ZNF365: variants seen among roughly 807,000 people sequenced by gnomAD.
ZNF365 encodes protein ZNF365.
Under a neutral mutation model 35.0 loss-of-function variants are expected in ZNF365, and 22 were observed. That is an observed-to-expected ratio of 0.63 (90% CI 0.45 to 0.90). The LOEUF is 0.90. ZNF365 is among the 40% of genes least tolerant of loss of function. The pLI is 0.00. For synonymous variants in ZNF365, 188 were observed against 196.2 expected, an observed-to-expected ratio of 0.96 and a Z score of 0.35; for missense variants, 448 against 500.3, an observed-to-expected ratio of 0.90 and a Z score of 1.00.
rs148899856 is a variant in ZNF365 at position 62,465,330 on chromosome 10, G to A, written c.981+5533G>A. 7.7e-3 allele frequency among the ~76,000 whole-genome samples: 1,170 copies of A among 152,318 alleles called. 15 individuals are homozygous for A. Among genetic ancestry groups the A allele is most frequent in the African/African-American group, 0.027 (1,119 of 41,558 alleles). ...AGGCCAGGGTACTGAGGGTGGCTTGGTGCAGGCCTGCAGGTGCCCTTTGAT... is the reference window on the plus strand; with the variant it reads ...AGGCCAGGGTACTGAGGGTGGCTTGATGCAGGCCTGCAGGTGCCCTTTGAT... On this transcript the variant is annotated intron_variant, in intron 4 of 4. Transcript: ENST00000395255.
intron 4 of ZNF365, among the ~76,000 whole-genome samples, chr10:62,476,537 A>G (rs1841134550): frequency 6.6e-6 from 1 of 152,254 alleles, no homozygotes; most frequent in African/African-American, 2.4e-5. Flanking sequence ...AACTAAGGTC[A>G]TATTTAAGGT....
intron 3 of ZNF365, among the ~76,000 whole-genome samples, chr10:62,395,108 T>C (rs1433547416): frequency 6.6e-6 from 1 of 152,170 alleles, no homozygotes; most frequent in Admixed American, 6.5e-5. Flanking sequence ...AAGCGTGGAT[T>C]TCTGGGCTCT....
At chr10:62,422,025 G>A (rs1840176969) in intron 3 of ZNF365, among the ~76,000 whole-genome samples, 1 of 152,162 alleles carries the variant, frequency 6.6e-6, no homozygotes, top group Non-Finnish European at 1.5e-5. Context: ...TCAGAGTTAT[G>A]TTAGTATTCT....
At chr10:62,460,398 G>A (rs1367276928) in intron 4 of ZNF365, among the ~76,000 whole-genome samples, 1 of 152,162 alleles carries the variant, frequency 6.6e-6, no homozygotes, top group Non-Finnish European at 1.5e-5. Flanking sequence ...CTGTGATAAA[G>A]TTTAGTTTAT....
At chr10:62,466,156 C>A (rs919966677) in intron 4 of ZNF365, among the ~76,000 whole-genome samples, 1 of 152,212 alleles carries the variant, frequency 6.6e-6, no homozygotes, top group Admixed American at 6.5e-5. Flanking sequence ...AAGCCCAGAC[C>A]TTGGGGCTTC....
chr10:62,375,810 T>A (rs1447786778), intron 1 of ZNF365: 1 of 180,208 alleles, frequency 5.5e-6, no homozygotes, highest in Non-Finnish European at 1.2e-5. Flanking sequence ...CTTCCTTGCT[T>A]CAGTGTTCTC....
At chr10:62,458,050 C>T (rs1840788801) in intron 3 of ZNF365, among the ~76,000 whole-genome samples, 1 of 152,194 alleles carries the variant, frequency 6.6e-6, no homozygotes, top group Admixed American at 6.5e-5. Flanking sequence ...TCTGAATCCC[C>T]TCTTGCTGCT....
Position 62,401,242 on chromosome 10 carries a change from A to G in ZNF365, c.*1453A>G, listed in dbSNP as rs1308702005. Reference sequence around the variant, plus strand: ...GTTTGTGGTGGGTGGTTTTTAAACTATATATGTTTGTTCATGTAAACTGAA... The same window carrying G: ...GTTTGTGGTGGGTGGTTTTTAAACTGTATATGTTTGTTCATGTAAACTGAA... On this transcript the variant is annotated 3_prime_UTR_variant, in exon 5 of 5. Coordinates refer to ENST00000395254, the MANE Select transcript of ZNF365 (RefSeq NM_014951.3). 2.0e-6 allele frequency: 2 copies of G among 985,198 alleles called. No homozygotes were observed. Among genetic ancestry groups the G allele is most frequent in the Non-Finnish European group, 2.4e-6 (2 of 829,762 alleles). 61.0% of individuals were successfully genotyped at this position (985,198 alleles called of 1,614,324 possible). A position where few individuals can be genotyped will look rare whatever the true frequency, so the allele number is the denominator to read the frequency against.
At position 62,401,611 on chromosome 10, in the gene ZNF365, G is replaced by A. The variant is rs753967672; in HGVS notation, c.*1822G>A. The stretch of plus-strand genomic sequence containing the variant: ...ATGTTATAATTATTATTTATTTGGA[G>A]AATTAACTTCCCCCTCTAAAGTTAT... On this transcript the variant is annotated 3_prime_UTR_variant, in exon 5 of 5. Coordinates refer to ENST00000395254, the MANE Select transcript of ZNF365 (RefSeq NM_014951.3). The A allele has an allele frequency of 3.2e-4, 310 of 983,832 alleles. No individual in the cohort carries two copies. In the Middle Eastern group the frequency reaches 3.7e-3, roughly 12 times the overall value. 60.9% of individuals were successfully genotyped at this position (983,832 alleles called of 1,614,324 possible).
rs148486131 is a variant in ZNF365 at position 62,474,811 on chromosome 10, G to C, written c.982-5065G>C. Among the ~76,000 whole-genome samples, 133 of 152,214 alleles carry C rather than the reference G, an allele frequency of 8.7e-4. 1 individual carries two copies. Among genetic ancestry groups the C allele is most frequent in the African/African-American group, 3.1e-3 (130 of 41,530 alleles). ...CATAACTAACCATCAAGGAGAATGG[G>C]GCCTTCTGGAGTTCACAGTGGAGTA... is the stretch of plus-strand genomic sequence containing the variant. On this transcript the variant is annotated intron_variant, in intron 4 of 4. Coordinates refer to the ZNF365 transcript ENST00000395255.
At chr10:62,467,944 C>T (rs1395568100) in intron 4 of ZNF365, among the ~76,000 whole-genome samples, 1 of 152,074 alleles carries the variant, frequency 6.6e-6, no homozygotes, top group Non-Finnish European at 1.5e-5. Flanking sequence ...AATATAAGCT[C>T]AGGAGCAGAA....
At chr10:62,470,482 A>T (rs1396145195) in intron 4 of ZNF365, among the ~76,000 whole-genome samples, 1 of 152,244 alleles carries the variant, frequency 6.6e-6, no homozygotes, top group African/African-American at 2.4e-5. Context: ...CATTGCATGC[A>T]TACACAGGAT....
chr10:62,431,839 TTTTGTTTG>T (rs955631725), intron 3 of ZNF365, among the ~76,000 whole-genome samples: 2 of 152,020 alleles, frequency 1.3e-5, no homozygotes, highest in African/African-American at 4.8e-5. Context: ...GCATTTGGGT[TTTTGTTTG>T]TTTGTTTGTT....
At chr10:62,430,664 A>G (rs1840321167) in intron 3 of ZNF365, among the ~76,000 whole-genome samples, 1 of 152,236 alleles carries the variant, frequency 6.6e-6, no homozygotes, top group African/African-American at 2.4e-5. Flanking sequence ...CAACTTTTGT[A>G]AACAATCATT....
At chr10:62,430,025 C>T (rs906538937) in intron 3 of ZNF365, among the ~76,000 whole-genome samples, 2 of 152,072 alleles carry the variant, frequency 1.3e-5, no homozygotes, top group African/African-American at 4.8e-5. Flanking sequence ...TTGTTAGTAA[C>T]ATTGTACTGG....
rs563506441 is a variant in ZNF365 at position 62,376,442 on chromosome 10, A to G, written c.249A>G (p.Gly83=). Residue 83 remains glycine, a synonymous_variant, in exon 2 of 5, where the codon GGA becomes GGG. Transcript: ENST00000395254. ...CTTCCTCAGAACTCCTGAAACCGGG[A>G]AAATTGCAGAGCAGTGGCAACGTGG... is the stretch of plus-strand genomic sequence containing the variant. ...LVTSSELLKP[G]KLQSSGNVVK... 38 of 1,614,192 alleles carry G rather than the reference A, an allele frequency of 2.4e-5. No individual in the cohort carries two copies. The South Asian group carries it at 3.6e-4, about 15-fold the overall frequency.
chr10:62,381,520 T>C (rs992993426), intron 2 of ZNF365, among the ~76,000 whole-genome samples: 2 of 152,150 alleles, frequency 1.3e-5, no homozygotes, highest in African/African-American at 2.4e-5. Context: ...TCAAGACTTA[T>C]GTAATACTGA....
intron 3 of ZNF365, among the ~76,000 whole-genome samples, chr10:62,432,226 T>C (rs1409449582): frequency 6.6e-6 from 1 of 152,180 alleles, no homozygotes; most frequent in African/African-American, 2.4e-5. Context: ...GGATTAGCAT[T>C]GCTGGGAGCT....
At chr10:62,450,840 A>G (rs1840671556) in intron 3 of ZNF365, among the ~76,000 whole-genome samples, 1 of 152,246 alleles carries the variant, frequency 6.6e-6, no homozygotes. Flanking sequence ...TGTGCTTGGT[A>G]AATGAAATTA....
Sources: gnomAD v4.1 joint callset for allele counts (sites outside exome capture counted in the v4.1 genomes callset) on GRCh38, gnomAD v4.1.1 for gene constraint, MANE v1.5 for transcripts, NCBI Gene and HGNC (gene_info 2026-07-23, HGNC 2026-07-21) for gene names.